The following TFPT variants were observed in gnomAD, a reference collection of about 807,000 sequenced individuals.
TFPT encodes the protein TCF3 fusion partner.
In TFPT, 27 loss-of-function variants were observed where a neutral mutation model predicts 28.8. The observed-to-expected ratio is 0.94, with a 90% CI of 0.69 to 1.29. The LOEUF is 1.29. Among genes scored for constraint, TFPT ranks in the 50% most tolerant of loss-of-function variants. The probability of loss-of-function intolerance (pLI) is 0.00; values close to 1 mark genes in which losing one functional copy is unlikely to be tolerated. For synonymous variants in TFPT, 152 were observed against 142.8 expected, an observed-to-expected ratio of 1.06 and a Z score of -0.46; for missense variants, 330 against 338.0, an observed-to-expected ratio of 0.98 and a Z score of 0.19.
At chr19:54,114,802 C>A in intron 1 of TFPT, 102 bp from the exon 2 acceptor site, 1 of 1,473,992 alleles carries the variant, frequency 6.8e-7, no homozygotes, top group East Asian at 2.3e-5. Context: ...CCCTGAGATC[C>A]TAGAATCCAG....
intron 3 of TFPT, among the ~76,000 whole-genome samples, chr19:54,109,677 C>T (rs1040921108): frequency 3.3e-5 from 5 of 151,996 alleles, no homozygotes; most frequent in Non-Finnish European, 5.9e-5. Flanking sequence ...GGAAACAGCT[C>T]AGAGAAGGGA....
chr19:54,114,518 C>A lies in TFPT; in HGVS notation c.206G>T (p.Gly69Val), dbSNP rs146000517. 5 of 1,613,882 alleles carry A rather than the reference C, an allele frequency of 3.1e-6. No individual in the cohort carries two copies. In the African/African-American group the frequency reaches 6.7e-5, roughly 22 times the overall value. ...TAATTCCCGCTGGCGCCGCCGCCGA[C>A]CCCGGGCTGCCTCTTCCTCTTCATC... ...ERDEEEEAAR[G>V]RRRRQRELNR... The change falls in exon 2 of 6, where the codon GGT becomes GTT. Residue 69 changes from glycine to valine, a missense_variant. Gly to Val is a moderately radical substitution (Grantham distance 109). Coordinates refer to ENST00000391759, the MANE Select transcript of TFPT (RefSeq NM_013342.4).
intron 1 of TFPT, 36 bp downstream of exon 1, chr19:54,115,211 G>C (rs2073588856): frequency 6.2e-7 from 1 of 1,614,030 alleles, no homozygotes; most frequent in Non-Finnish European, 8.5e-7. Flanking sequence ...CTGTTTTCTG[G>C]GATTCGCACT....
intron 1 of TFPT, chr19:54,114,961 C>T (rs1348476974): frequency 1.5e-6 from 1 of 663,108 alleles, no homozygotes; most frequent in Non-Finnish European, 2.5e-6. Flanking sequence ...GAGTCCAGAC[C>T]TCCAGACTTT....
intron 2 of TFPT, among the ~76,000 whole-genome samples, chr19:54,114,197 A>G (rs769775513): frequency 2.4e-4 from 37 of 152,326 alleles, no homozygotes; most frequent in African/African-American, 6.5e-4. Context: ...CCACGCATTG[A>G]GAGGCCCCCG....
chr19:54,109,948 G>GGCTT, intron 3 of TFPT, 103 bp downstream of exon 3: 3 of 1,013,276 alleles, frequency 3.0e-6, no homozygotes, highest in Non-Finnish European at 4.2e-6. Context: ...TTCTCCTTGT[G>GGCTT]GCTTGTGAGG....
intron 2 of TFPT, among the ~76,000 whole-genome samples, chr19:54,113,517 A>C (rs587597288): frequency 2.6e-5 from 4 of 152,302 alleles, no homozygotes; most frequent in South Asian, 2.1e-4. Context: ...GAGTCCAAGC[A>C]GACTAATACA....
At chr19:54,111,637 A>C (rs1198838295) in intron 2 of TFPT, among the ~76,000 whole-genome samples, 2 of 146,960 alleles carry the variant, frequency 1.4e-5, no homozygotes, top group Non-Finnish European at 3.0e-5. Flanking sequence ...CCGAGATCAC[A>C]CCACTGCCCT....
rs751442251 is a variant in TFPT, at chr19:54,110,051, C to G, written c.353G>C (p.Arg118Thr). 9.9e-6 allele frequency: 16 copies of G among 1,614,092 alleles called. No homozygotes were observed. The South Asian group carries it at 1.8e-4, about 18-fold the overall frequency. The change falls in exon 3 of 6, where the codon AGG (arginine) becomes ACG (threonine). Residue 118 changes from arginine to threonine, a missense_variant and splice_region_variant. Physicochemically the swap from Arg to Thr is moderately conservative, Grantham distance 71. Coordinates refer to ENST00000391759, the MANE Select transcript of TFPT (RefSeq NM_013342.4). ...CCAGAGGGGACAGAGAAGGGGTTAC[C>G]TCCGTTCCTGCTGCAGCCTCCGAGT... is the stretch of plus-strand genomic sequence containing the variant. The part of the protein sequence containing the change: ...RITRRLQQER[R>T]FLMRVLDSYG...
intron 2 of TFPT, among the ~76,000 whole-genome samples, chr19:54,112,328 C>G (rs1225235954): frequency 1.3e-5 from 2 of 151,872 alleles, no homozygotes; most frequent in African/African-American, 4.8e-5. Context: ...CTCTCTGAGC[C>G]TTGATTTTCT....
Position 54,114,496 on chromosome 19 carries a change from T to C in TFPT, c.228A>G (p.Glu76=), listed in dbSNP as rs1729100699. 1 of 1,613,878 alleles carries C rather than the reference T, an allele frequency of 6.2e-7. No homozygotes were observed. Among genetic ancestry groups the C allele is most frequent in the Non-Finnish European group, 8.5e-7 (1 of 1,179,992 alleles). The change falls in exon 2 of 6, where the codon GAA becomes GAG. Residue 76 remains glutamate (E), a synonymous_variant. Transcript: ENST00000391759. Reference sequence around the variant, plus strand: ...GTGCCTGGTACTTTCTGCGATTTAATTCCCGCTGGCGCCGCCGCCGACCCC... The same window carrying C: ...GTGCCTGGTACTTTCTGCGATTTAACTCCCGCTGGCGCCGCCGCCGACCCC... ...AARGRRRRQR[E]LNRRKYQALG... is the part of the protein sequence containing the mutation.
chr19:54,112,828 C>T (rs1259665197), intron 2 of TFPT, among the ~76,000 whole-genome samples: 1 of 152,002 alleles, frequency 6.6e-6, no homozygotes, highest in Non-Finnish European at 1.5e-5. Context: ...CGTGGTGGCT[C>T]AAGCCTGTAA....
chr19:54,115,061 C>T (rs75497563), intron 1 of TFPT, 186 bp downstream of exon 1: 18 of 872,596 alleles, frequency 2.1e-5, no homozygotes, highest in Non-Finnish European at 3.0e-5. Flanking sequence ...TCAGATCCAG[C>T]AGTCCAAACC....
intron 3 of TFPT, 92 bp downstream of exon 3, chr19:54,109,959 G>T: frequency 8.1e-7 from 1 of 1,241,634 alleles, no homozygotes; most frequent in Non-Finnish European, 1.1e-6. Flanking sequence ...GCTTGTGAGG[G>T]TTGGGTGGAT....
chr19:54,112,413 C>T (rs1375717884), intron 2 of TFPT, among the ~76,000 whole-genome samples: 7 of 152,100 alleles, frequency 4.6e-5, no homozygotes, highest in Admixed American at 4.6e-4. Context: ...CCGTTTGGGC[C>T]TTGGTGTCTG....
At chr19:54,109,321 G>A (rs254262) in intron 3 of TFPT, 42,055 of 152,830 alleles carry the variant, frequency 0.28, 5,923 homozygotes, top group Admixed American at 0.36. Context: ...TGAACTAGCA[G>A]AGGCAGCCAA....
intron 2 of TFPT, among the ~76,000 whole-genome samples, chr19:54,111,511 A>G (rs1361784482): frequency 6.6e-6 from 1 of 151,516 alleles, no homozygotes; most frequent in Non-Finnish European, 1.5e-5. Flanking sequence ...AAAAAAAAAA[A>G]AAAAAGAAAA....
intron 5 of TFPT, 54 bp downstream of exon 5, chr19:54,107,972 C>G (rs1191367126): frequency 4.9e-5 from 73 of 1,498,048 alleles, no homozygotes; most frequent in Non-Finnish European, 6.2e-5. Context: ...CTTACCTGCA[C>G]TGGCGCCGGC....
At chr19:54,113,332 G>A (rs1021610200) in intron 2 of TFPT, among the ~76,000 whole-genome samples, 2 of 151,980 alleles carry the variant, frequency 1.3e-5, no homozygotes, top group African/African-American at 2.4e-5. Flanking sequence ...AGATGAAGGC[G>A]GAGATCAGGG....
Sources: allele counts gnomAD v4.1 joint callset (sites outside exome capture counted in the v4.1 genomes callset), GRCh38; gene constraint gnomAD v4.1.1; transcripts MANE v1.5; gene names NCBI Gene and HGNC (gene_info 2026-07-23, HGNC 2026-07-21).